The following JMJD7 variants were observed in gnomAD, a reference collection of about 807,000 sequenced individuals.
JMJD7 encodes the protein jumonji domain containing 7.
JMJD7 carries 41 observed loss-of-function variants against 41.1 expected under a neutral mutation model. That is an observed-to-expected ratio of 1.00 (90% CI 0.78 to 1.30). JMJD7 has a LOEUF of 1.30. JMJD7 is among the 50% of genes most tolerant of loss of function. The pLI is 0.00. For missense variants in JMJD7, 480 were observed against 420.7 expected, an observed-to-expected ratio of 1.14 and a Z score of -1.23; for synonymous variants, 202 against 177.2, an observed-to-expected ratio of 1.14 and a Z score of -1.11.
intron 4 of JMJD7, 183 bp from the exon 5 acceptor site, chr15:41,835,965 C>A (rs963123182): frequency 1.3e-5 from 8 of 623,632 alleles, no homozygotes; most frequent in Non-Finnish European, 2.1e-5. Flanking sequence ...AGCATCAGGT[C>A]CCTGGTAGGC....
rs548653177 is a variant in JMJD7 at position 41,836,296 on chromosome 15, A to G, written c.625+53A>G. On this transcript the variant is annotated intron_variant, in intron 5 of 7. Coordinates refer to ENST00000397299, the MANE Select transcript of JMJD7 (RefSeq NM_001114632.2). ...CTGGGGAACAGCTGGCCCAAGGGGG[A>G]GGGAGGCAGCAAGAGCCTGGGAGGC... 3.1e-6 allele frequency: 5 copies of G among 1,602,114 alleles called. No individual in the cohort carries two copies. The Admixed American group carries it at 6.8e-5, about 22-fold the overall frequency.
At chr15:41,834,641 G>C in intron 1 of JMJD7, 99 bp from the exon 2 acceptor site, 1 of 1,518,172 alleles carries the variant, frequency 6.6e-7, no homozygotes. Context: ...GCATTTCCCA[G>C]TGACACAGCG....
At chr15:41,835,892 T>C (rs2065305750) in intron 4 of JMJD7, among the ~76,000 whole-genome samples, 1 of 152,182 alleles carries the variant, frequency 6.6e-6, no homozygotes, top group African/African-American at 2.4e-5. Flanking sequence ...GAAGGCCCGC[T>C]GGGCCAGGGG....
Position 41,836,161 on chromosome 15 carries a change from C to T in JMJD7, c.543C>T (p.His181=), listed in dbSNP as rs1162762448. Residue 181 remains histidine, a synonymous_variant, in exon 5 of 8, where the codon CAC becomes CAT. Coordinates refer to ENST00000397299, the MANE Select transcript of JMJD7 (RefSeq NM_001114632.2). ...AAAVTSLHKD[H]YENLYCVVSG... is the part of the protein sequence containing the mutation. ...TTCTGTTGGCAGTGCACAAGGACCA[C>T]TATGAGAACCTCTACTGCGTGGTCT... The T allele has an allele frequency of 6.2e-7, 1 of 1,606,296 alleles. No individual in the cohort carries two copies.
rs561115428 is a variant in JMJD7 at position 41,828,625 on chromosome 15, C to G, written c.64+437C>G. On this transcript the variant is annotated intron_variant, in intron 1 of 7. Transcript: ENST00000397299. ...TGCTTGGTTTTTATTCCTTTTCTTT[C>G]TTTCTCTCTTCCCTCCTTCCTTCTT... is the stretch of plus-strand genomic sequence containing the variant. The G allele has an allele frequency of 3.1e-5, 5 of 162,102 alleles. No homozygotes were observed. In the Admixed American group the frequency reaches 3.2e-4, roughly 10 times the overall value. The allele number at this position is 162,102 out of a possible 1,614,324, so 10.0% of individuals were successfully genotyped here. A position where few individuals can be genotyped will look rare whatever the true frequency, so the allele number is the denominator to read the frequency against.
At position 41,836,213 on chromosome 15, in the gene JMJD7, C is replaced by T; in HGVS notation, c.595C>T (p.Pro199Ser). ...AGGAGAGAAGCATTTCCTGTTCCAT[C>T]CGCCCAGCGACCGGCCCTTCATCCC... ...VSGEKHFLFH[P>S]PSDRPFIPYE... The change falls in exon 5 of 8, where the codon CCG (proline) becomes TCG (serine). Residue 199 changes from proline to serine, a missense_variant. By Grantham distance (74) the Pro-to-Ser change is moderately conservative. Coordinates refer to ENST00000397299, the MANE Select transcript of JMJD7 (RefSeq NM_001114632.2). 1 of 1,613,062 alleles carries T rather than the reference C, an allele frequency of 6.2e-7. No individual in the cohort carries two copies. Among genetic ancestry groups the T allele is most frequent in the Non-Finnish European group, 8.5e-7 (1 of 1,179,504 alleles).
In JMJD7 at chr15:41,835,129, C is replaced by T; in HGVS notation, c.378C>T (p.Leu126=). 1.2e-6 allele frequency: 2 copies of T among 1,610,514 alleles called. No homozygotes were observed. The highest frequency in any genetic ancestry group is 1.7e-6 in the Non-Finnish European group (2 of 1,180,018). The part of the protein sequence containing the change: ...LEGRAQHPGV[L]YVQKQCSNLP... ...GCCGGGCCCAGCACCCTGGAGTCCT[C>T]TATGTGCAGAAGCAGTGCTCCAACC... Residue 126 remains leucine, a synonymous_variant, in exon 3 of 8, where the codon CTC becomes CTT. Transcript: ENST00000397299.
chr15:41,833,414 A>ATATATATATATATAT (rs1239528383), intron 1 of JMJD7, among the ~76,000 whole-genome samples: 1 of 32,014 alleles, frequency 3.1e-5, no homozygotes, highest in African/African-American at 9.4e-5. Flanking sequence ...ATATATATAT[A>ATATATATATATATAT]TTTTTTTTTT....
At chr15:41,832,043 C>T (rs1235001372) in intron 1 of JMJD7, among the ~76,000 whole-genome samples, 1 of 152,212 alleles carries the variant, frequency 6.6e-6, no homozygotes, top group Non-Finnish European at 1.5e-5. Flanking sequence ...CCAGGCACCA[C>T]CATGCTTCCC....
intron 1 of JMJD7, among the ~76,000 whole-genome samples, chr15:41,831,090 G>A (rs1355570223): frequency 1.3e-5 from 2 of 152,184 alleles, no homozygotes; most frequent in African/African-American, 2.4e-5. Flanking sequence ...GCTTTTTCCG[G>A]CCCACCCATG....
chr15:41,830,617 CAGCTGCAGCCTCCCA>C (rs1389744858), intron 1 of JMJD7, among the ~76,000 whole-genome samples: 1 of 152,200 alleles, frequency 6.6e-6, no homozygotes, highest in Non-Finnish European at 1.5e-5. Context: ...CTCCTAGATG[CAGCTGCAGCCTCCCA>C]AGCTGCAGCT....
At chr15:41,835,739 G>A in intron 4 of JMJD7, 95 bp downstream of exon 4, 1 of 1,443,600 alleles carries the variant, frequency 6.9e-7, no homozygotes, top group Non-Finnish European at 9.4e-7. Flanking sequence ...CCTGGGTGGA[G>A]GTTGGGCTGT....
At chr15:41,834,655 C>A (rs1567165327) in intron 1 of JMJD7, 85 bp from the exon 2 acceptor site, 1 of 1,552,736 alleles carries the variant, frequency 6.4e-7, no homozygotes, top group South Asian at 1.2e-5. Context: ...CACAGCGCGG[C>A]CTTTCCAGGG....
chr15:41,836,997 C>CT (rs900862747), intron 7 of JMJD7, 57 bp downstream of exon 7: 8 of 1,610,306 alleles, frequency 5.0e-6, no homozygotes, highest in Admixed American at 3.3e-5. Context: ...AGCAGGGCCT[C>CT]TGGGGGGAGG....
At position 41,833,414 on chromosome 15, in the gene JMJD7, A is replaced by ATATATTTTT. The variant is rs1239528383; in HGVS notation, c.65-1325_65-1324insATATTTTTT. 1.6e-3 allele frequency among the ~76,000 whole-genome samples: 52 copies of ATATATTTTT among 32,020 alleles called. 1 individual carries two copies. Among genetic ancestry groups the ATATATTTTT allele is most frequent in the Non-Finnish European group, 2.1e-3 (35 of 16,338 alleles). 21.0% of individuals were successfully genotyped at this position (32,020 alleles called of 152,430 possible). Reference sequence around the variant, plus strand: ...AATACATATATATATATATATATATATTTTTTTTTTTTTTTTTTTTTTTTG... The same window carrying ATATATTTTT: ...AATACATATATATATATATATATATATATATTTTTTTTTTTTTTTTTTTTTTTTTTTTTG... On this transcript the variant is annotated intron_variant, in intron 1 of 7. Transcript: ENST00000397299.
Position 41,834,954 on chromosome 15 carries a change from G to A in JMJD7, c.219-16G>A, listed in dbSNP as rs925587595. On this transcript the variant is annotated splice_polypyrimidine_tract_variant and intron_variant, in intron 2 of 7. Transcript: ENST00000397299. The stretch of plus-strand genomic sequence containing the variant: ...TTACTGGCATCTGGGCATGGGCTGA[G>A]TGTCCATTCCTCTAGAGCCACAGTG... 6.2e-7 allele frequency: 1 copy of A among 1,613,844 alleles called. No individual in the cohort carries two copies. The highest frequency in any genetic ancestry group is 1.7e-5 in the Admixed American group (1 of 60,032).
At chr15:41,836,270 G>C in intron 5 of JMJD7, 27 bp downstream of exon 5, 1 of 1,611,628 alleles carries the variant, frequency 6.2e-7, no homozygotes, top group South Asian at 1.1e-5. Context: ...GCAGGGAGGG[G>C]CTGGGGAACA....
chr15:41,837,084 C>G lies in JMJD7; in HGVS notation c.879C>G (p.Asp293Glu). 1 of 1,613,488 alleles carries G rather than the reference C, an allele frequency of 6.2e-7. No homozygotes were observed. Residue 293 changes from aspartate (D) to glutamate (E), a missense_variant, in exon 8 of 8, where the codon GAC (aspartate) becomes GAG (glutamate). Physicochemically the swap from Asp to Glu is conservative, Grantham distance 45. Transcript: ENST00000397299. The part of the protein sequence containing the change: ...QGCIAVNFWY[D>E]MEYDLKYSYF... ...TTCCCACAGTGAATTTCTGGTATGA[C>G]ATGGAATACGACCTCAAGTATAGTT...
chr15:41,836,448 C>T (rs781587309), intron 5 of JMJD7, 27 bp from the exon 6 acceptor site: 9 of 1,564,730 alleles, frequency 5.8e-6, no homozygotes, highest in Non-Finnish European at 6.9e-6. Context: ...TTGCAATTCC[C>T]CCACACCCTT....
Sources: allele counts gnomAD v4.1 joint callset (sites outside exome capture counted in the v4.1 genomes callset), GRCh38; gene constraint gnomAD v4.1.1; transcripts MANE v1.5; gene names NCBI Gene and HGNC (gene_info 2026-07-23, HGNC 2026-07-21).